The following SP100 variants were observed in gnomAD, a reference collection of about 807,000 sequenced individuals.
The protein encoded by SP100 is SP100 nuclear body protein, also known as nuclear autoantigen Sp-100.
A neutral mutation model predicts 130.0 loss-of-function variants in SP100; 84 were observed. That is an observed-to-expected ratio of 0.65 (90% CI 0.54 to 0.77). The LOEUF is 0.77. Among genes scored for constraint, SP100 ranks in the 30% least tolerant of loss-of-function variants. SP100 has a pLI of 0.00. For missense variants in SP100, 978 were observed against 1,052.2 expected (o/e 0.93, Z 0.97); for synonymous variants, 331 against 351.7 (o/e 0.94, Z 0.66).
intron 14 of SP100, 198 bp from the exon 15 acceptor site, chr2:230,469,811 TCCCCAG>T: frequency 6.8e-7 from 1 of 1,468,694 alleles, no homozygotes; most frequent in South Asian, 1.3e-5. Flanking sequence ...AACAATGTCA[TCCCCAG>T]CCCCAGCCTC....
intron 24 of SP100, chr2:230,514,946 AG>A: frequency 7.6e-7 from 1 of 1,321,776 alleles, no homozygotes; most frequent in Non-Finnish European, 1.0e-6. Flanking sequence ...TGAGCTCCAT[AG>A]AGATAGTGCT....
chr2:230,514,431 T>A (rs997429935), intron 24 of SP100, among the ~76,000 whole-genome samples: 2 of 152,232 alleles, frequency 1.3e-5, no homozygotes, highest in Non-Finnish European at 2.9e-5. Context: ...CTTTAGAGAC[T>A]TATTATAGCC....
rs1175595025 is a variant in SP100 at position 230,515,489 on chromosome 2, A to G, written c.2094+4323A>G. On this transcript the variant is annotated intron_variant, in intron 24 of 28. Transcript: ENST00000340126. ...GCTGCAAAGCTGAAGGAAAAATACA[A>G]AAAGGATATTGCTGCATATCGAGCT... 2.5e-6 allele frequency: 4 copies of G among 1,613,390 alleles called. No individual in the cohort carries two copies. The African/African-American group carries it at 5.3e-5, about 22-fold the overall frequency.
intron 24 of SP100, among the ~76,000 whole-genome samples, chr2:230,528,858 C>A (rs572673694): frequency 1.3e-5 from 2 of 152,290 alleles, no homozygotes; most frequent in East Asian, 3.9e-4. Context: ...GACACATACA[C>A]CCTCCAAAGA....
chr2:230,486,813 A>G (rs2066126115), intron 17 of SP100, among the ~76,000 whole-genome samples: 2 of 152,144 alleles, frequency 1.3e-5, no homozygotes, highest in South Asian at 4.1e-4. Flanking sequence ...AAGTGTTCCT[A>G]TTTATTCACA....
chr2:230,455,939 G>A (rs571729604), intron 8 of SP100, among the ~76,000 whole-genome samples: 2 of 152,148 alleles, frequency 1.3e-5, no homozygotes, highest in African/African-American at 4.8e-5. Flanking sequence ...GAGTTTACAA[G>A]TTTTATATAG....
At chr2:230,452,822 T>TG (rs1490603419) in intron 8 of SP100, among the ~76,000 whole-genome samples, 1 of 150,916 alleles carries the variant, frequency 6.6e-6, no homozygotes, top group Admixed American at 6.6e-5. Flanking sequence ...CTAGCAGTTT[T>TG]TTTTTTTTTT....
chr2:230,507,622 A>G (rs1559526645), intron 22 of SP100, among the ~76,000 whole-genome samples: 1 of 152,084 alleles, frequency 6.6e-6, no homozygotes. Context: ...GAGGTTGAGG[A>G]CCATTTTGTG....
intron 2 of SP100, among the ~76,000 whole-genome samples, chr2:230,436,197 T>G (rs1052868711): frequency 6.6e-6 from 1 of 152,236 alleles, no homozygotes; most frequent in Non-Finnish European, 1.5e-5. Flanking sequence ...GTCTCATACC[T>G]TTCAGATGTT....
intron 24 of SP100, among the ~76,000 whole-genome samples, chr2:230,524,179 CAAAA>C (rs71420292): frequency 6.6e-5 from 5 of 75,392 alleles, no homozygotes; most frequent in African/African-American, 2.7e-4. Context: ...ACTAAAAATA[CAAAA>C]AAAAAAAAAA....
intron 2 of SP100, among the ~76,000 whole-genome samples, chr2:230,441,849 G>A (rs1440754942): frequency 6.6e-6 from 1 of 152,050 alleles, no homozygotes; most frequent in Non-Finnish European, 1.5e-5. Flanking sequence ...TACAAATTCT[G>A]TAGGGCACCA....
intron 24 of SP100, among the ~76,000 whole-genome samples, chr2:230,528,579 G>A (rs918931775): frequency 2.0e-5 from 3 of 152,138 alleles, no homozygotes; most frequent in African/African-American, 7.2e-5. Context: ...ACTAAGATCA[G>A]AGCAGAACTG....
At position 230,530,307 on chromosome 2, in the gene SP100, C is replaced by A. The variant is rs538595294; in HGVS notation, c.2095-8960C>A. The stretch of plus-strand genomic sequence containing the variant: ...TACAACCATCTGATCTTTGACAAAC[C>A]TGACAAAAACAAGAAATGGGGAAAG... On this transcript the variant is annotated intron_variant, in intron 24 of 28. Coordinates refer to ENST00000340126, the MANE Select transcript of SP100 (RefSeq NM_001080391.2). Among the ~76,000 whole-genome samples the A allele has an allele frequency of 4.6e-5, 7 of 152,216 alleles. No homozygotes were observed. In the East Asian group the frequency reaches 1.4e-3, roughly 29 times the overall value.
chr2:230,464,960 G>A (rs758520308), intron 11 of SP100, among the ~76,000 whole-genome samples: 4 of 151,794 alleles, frequency 2.6e-5, no homozygotes, highest in African/African-American at 4.8e-5. Context: ...GGCATGGGCC[G>A]GGTGCAGTGG....
intron 17 of SP100, among the ~76,000 whole-genome samples, chr2:230,492,575 G>C (rs143355458): frequency 1.3e-5 from 2 of 152,054 alleles, no homozygotes; most frequent in African/African-American, 4.8e-5. Flanking sequence ...CAAAGTGCTG[G>C]GATTACAGGC....
chr2:230,416,490 C>G (rs1319594089), intron 1 of SP100, among the ~76,000 whole-genome samples, 162 bp downstream of exon 1: 1 of 152,104 alleles, frequency 6.6e-6, no homozygotes, highest in Non-Finnish European at 1.5e-5. Flanking sequence ...ATGAGGAAAT[C>G]AGATTTTTTA....
intron 25 of SP100, 61 bp from the exon 26 acceptor site, chr2:230,540,815 T>G: frequency 1.3e-6 from 2 of 1,567,944 alleles, no homozygotes; most frequent in Non-Finnish European, 1.7e-6. Context: ...CTTGAACAAC[T>G]GTAGGAATGG....
At chr2:230,428,769 A>T (rs1187591710) in intron 2 of SP100, among the ~76,000 whole-genome samples, 1 of 152,028 alleles carries the variant, frequency 6.6e-6, no homozygotes, top group Non-Finnish European at 1.5e-5. Flanking sequence ...TTTAAACTAG[A>T]TCTCATAAGA....
In SP100 at chr2:230,543,996, G is replaced by A. The variant is rs949725716; in HGVS notation, c.*1050G>A. 3 of 151,880 alleles carry A rather than the reference G, an allele frequency of 2.0e-5. No individual in the cohort carries two copies. The highest frequency in any genetic ancestry group is 2.9e-5 in the Non-Finnish European group (2 of 68,000). 9.4% of individuals were successfully genotyped at this position (151,880 alleles called of 1,614,324 possible). A position where few individuals can be genotyped will look rare whatever the true frequency, so the allele number is the denominator to read the frequency against. On this transcript the variant is annotated 3_prime_UTR_variant, in exon 29 of 29. Transcript: ENST00000340126. ...CCAATGGAACAGAACGAAGAGCACA[G>A]AATAAGACCACACTCCTATGACCAT...
Sources: allele counts gnomAD v4.1 joint callset (sites outside exome capture counted in the v4.1 genomes callset), GRCh38; gene constraint gnomAD v4.1.1; transcripts MANE v1.5; gene names NCBI Gene and HGNC (gene_info 2026-07-23, HGNC 2026-07-21).